SYT14: variants seen among roughly 807,000 people sequenced by gnomAD.
SYT14 encodes synaptotagmin 14.
A neutral mutation model predicts 74.2 loss-of-function variants in SYT14; 32 were observed. The ratio of observed to expected loss-of-function variants is 0.43; its 90% CI spans 0.33 to 0.58. The LOEUF is 0.58. Ranked by LOEUF, SYT14 falls within the 20% of genes least tolerant of loss-of-function variation. The pLI, the probability that SYT14 is intolerant of heterozygous loss-of-function variation, is 0.05. For missense variants in SYT14, 791 were observed against 981.8 expected, an observed-to-expected ratio of 0.81 and a Z score of 2.60; for synonymous variants, 298 against 337.7, an observed-to-expected ratio of 0.88 and a Z score of 1.29.
intron 5 of SYT14, among the ~76,000 whole-genome samples, chr1:210,035,269 G>T (rs1380099023): frequency 6.6e-6 from 1 of 151,548 alleles, no homozygotes; most frequent in Admixed American, 6.6e-5. Flanking sequence ...TATTTGAGGG[G>T]TTTTGGTTGA....
chr1:210,121,520 C>T (rs182110473), intron 7 of SYT14, among the ~76,000 whole-genome samples: 25 of 152,052 alleles, frequency 1.6e-4, no homozygotes, highest in Non-Finnish European at 2.4e-4. Flanking sequence ...TAGGGCCAGG[C>T]GCGGTGGCTC....
intron 7 of SYT14, among the ~76,000 whole-genome samples, chr1:210,111,736 C>G (rs920200678): frequency 2.0e-5 from 3 of 150,988 alleles, no homozygotes; most frequent in Non-Finnish European, 4.4e-5. Context: ...ACAGAAGACA[C>G]GAAGTCCGAA....
intron 7 of SYT14, among the ~76,000 whole-genome samples, chr1:210,150,120 G>C (rs562341682): frequency 6.6e-6 from 1 of 152,264 alleles, no homozygotes; most frequent in Admixed American, 6.5e-5. Context: ...GAGCAAGTAG[G>C]ATGCTGTCTT....
chr1:210,094,487 A>T (rs775202409), exon 6 of SYT14: 8 of 1,613,896 alleles, frequency 5.0e-6, no homozygotes, highest in Non-Finnish European at 6.8e-6. Context: ...TGCTCATATA[A>T]CAAGTGCCCA....
exon 4 of SYT14, chr1:210,015,819 T>G (rs1326077188): frequency 2.6e-6 from 3 of 1,135,002 alleles, no homozygotes; most frequent in Non-Finnish European, 3.3e-6. Flanking sequence ...GAATCTTTAC[T>G]TCAACATATT....
chr1:210,001,028 G>A (rs2079891590), intron 2 of SYT14, among the ~76,000 whole-genome samples: 1 of 152,112 alleles, frequency 6.6e-6, no homozygotes, highest in African/African-American at 2.4e-5. Flanking sequence ...AAGGACTCTT[G>A]TTTTCACTGA....
chr1:210,102,200 G>C (rs1324452317), intron 7 of SYT14, among the ~76,000 whole-genome samples: 1 of 152,040 alleles, frequency 6.6e-6, no homozygotes, highest in Non-Finnish European at 1.5e-5. Context: ...TCATCACCCA[G>C]GTATAAAGCC....
At chr1:210,115,530 G>A (rs993831215) in intron 7 of SYT14, among the ~76,000 whole-genome samples, 3 of 151,142 alleles carry the variant, frequency 2.0e-5, no homozygotes, top group East Asian at 1.9e-4. Flanking sequence ...TACCAGCACC[G>A]GAGTTTTGGG....
chr1:210,024,815 A>T (rs2080376047), intron 5 of SYT14, among the ~76,000 whole-genome samples: 1 of 152,156 alleles, frequency 6.6e-6, no homozygotes, highest in African/African-American at 2.4e-5. Context: ...GATAAAGAGG[A>T]GAATCAGGAA....
chr1:210,034,939 G>A (rs1212079798), intron 5 of SYT14, among the ~76,000 whole-genome samples: 1 of 151,850 alleles, frequency 6.6e-6, no homozygotes, highest in Non-Finnish European at 1.5e-5. Context: ...AAACATAGAA[G>A]TGCAGGTATC....
At chr1:210,114,996 G>A (rs910618840) in intron 7 of SYT14, among the ~76,000 whole-genome samples, 4 of 151,010 alleles carry the variant, frequency 2.6e-5, no homozygotes, top group Non-Finnish European at 4.4e-5. Context: ...TATTTGGGAC[G>A]AGTTGCATTG....
intron 5 of SYT14, among the ~76,000 whole-genome samples, chr1:210,078,994 A>G (rs2081568058): frequency 6.6e-6 from 1 of 151,980 alleles, no homozygotes; most frequent in Non-Finnish European, 1.5e-5. Context: ...AGCTCAAGCG[A>G]TCAGCCCGTC....
At chr1:209,990,573 A>ATATATATATACGTATATATATGTG (rs2079663587) in intron 2 of SYT14, among the ~76,000 whole-genome samples, 5 of 98,858 alleles carry the variant, frequency 5.1e-5, no homozygotes, top group Non-Finnish European at 1.0e-4. Context: ...ATATATATGT[A>ATATATATATACGTATATATATGTG]TGTATATTTC....
intron 2 of SYT14, among the ~76,000 whole-genome samples, chr1:209,956,785 G>C (rs1017488000): frequency 6.6e-6 from 1 of 152,124 alleles, no homozygotes; most frequent in African/African-American, 2.4e-5. Flanking sequence ...TAACTTAAAG[G>C]TGTGACTTCA....
chr1:210,125,725 C>G (rs140571138), intron 7 of SYT14, among the ~76,000 whole-genome samples: 2 of 152,262 alleles, frequency 1.3e-5, no homozygotes, highest in African/African-American at 2.4e-5. Flanking sequence ...TGATTCCTGA[C>G]TGATGTAGTT....
At chr1:210,125,158 T>C (rs2082543341) in intron 7 of SYT14, among the ~76,000 whole-genome samples, 1 of 152,044 alleles carries the variant, frequency 6.6e-6, no homozygotes, top group African/African-American at 2.4e-5. Context: ...ATTGAACCCA[T>C]CACCCAAGTA....
At chr1:210,099,437 G>A (rs2082021286) in intron 6 of SYT14, among the ~76,000 whole-genome samples, 1 of 152,122 alleles carries the variant, frequency 6.6e-6, no homozygotes, top group South Asian at 2.1e-4. Flanking sequence ...GTTATGGAAA[G>A]TAAATATTTG....
intron 2 of SYT14, among the ~76,000 whole-genome samples, chr1:209,988,235 T>C (rs1671877408): frequency 6.6e-6 from 1 of 152,240 alleles, no homozygotes; most frequent in Admixed American, 6.5e-5. Flanking sequence ...TCAGTCTCTT[T>C]CAGTGTATTT....
intron 5 of SYT14, among the ~76,000 whole-genome samples, chr1:210,050,364 C>T (rs1161082953): frequency 2.6e-5 from 4 of 152,304 alleles, no homozygotes; most frequent in African/African-American, 9.6e-5. Flanking sequence ...TCTTATTGTC[C>T]ATATCACTAT....
Sources: allele counts gnomAD v4.1 joint callset (sites outside exome capture counted in the v4.1 genomes callset), GRCh38; gene constraint gnomAD v4.1.1; transcripts MANE v1.5; gene names NCBI Gene and HGNC (gene_info 2026-07-23, HGNC 2026-07-21).